Variants in TRIP10 observed in about 807,000 individuals in gnomAD.
TRIP10 encodes the protein thyroid hormone receptor interactor 10.
Under a neutral mutation model 80.9 loss-of-function variants are expected in TRIP10, and 54 were observed. The ratio of observed to expected loss-of-function variants is 0.67; its 90% confidence interval spans 0.54 to 0.84. The LOEUF (loss-of-function observed/expected upper bound fraction) is 0.84, where lower values mean the gene tolerates loss of function less well. Ranked by LOEUF, TRIP10 falls within the 40% of genes least tolerant of loss-of-function variation. The probability of loss-of-function intolerance (pLI) is 0.00; values close to 1 mark genes in which losing one functional copy is unlikely to be tolerated. For synonymous variants in TRIP10, 321 were observed against 307.2 expected (o/e 1.04, Z -0.47); for missense variants, 773 against 815.3 (o/e 0.95, Z 0.63).
chr19:6,751,286 C>T lies in TRIP10; in HGVS notation c.*75C>T. ...CACGGGGAGCCCCAGGACCTATGCA[C>T]TTTATTTCTGACCCCGTGGCTTCGG... On this transcript the variant is annotated 3_prime_UTR_variant, in exon 15 of 15. Transcript: ENST00000313244. 2 of 1,604,534 alleles carry T rather than the reference C, an allele frequency of 1.2e-6. No individual in the cohort carries two copies. Among genetic ancestry groups the T allele is most frequent in the Non-Finnish European group, 1.7e-6 (2 of 1,174,332 alleles).
In TRIP10 at chr19:6,746,344, G is replaced by T; in HGVS notation, c.1153-108G>T. 1.9e-6 allele frequency: 3 copies of T among 1,541,396 alleles called. No homozygotes were observed. The highest frequency in any genetic ancestry group is 2.4e-5 in the South Asian group (2 of 84,094). On this transcript the variant is annotated intron_variant, in intron 10 of 14. Transcript: ENST00000313244. This position sits in a 1 kb window ranked among gnomAD's most constrained non-coding sequence, Gnocchi z 6.2. ...CCTGCTTTGCTCTGTGCATGGCTTC[G>T]CTGTCAAGAACCATGGCTGGGGAAG...
rs544507299 is a variant in TRIP10, at chr19:6,746,102, G to A, written c.1058G>A (p.Arg353His). 61 of 1,239,540 alleles carry A rather than the reference G, an allele frequency of 4.9e-5. No individual in the cohort carries two copies. The highest frequency in any genetic ancestry group is 4.8e-4 in the South Asian group (33 of 68,610). 76.8% of individuals were successfully genotyped at this position (1,239,540 alleles called of 1,614,324 possible). A position where few individuals can be genotyped will look rare whatever the true frequency, so the allele number is the denominator to read the frequency against. ...TTGCCTAACGGACCCCCGTCCCCCCGCTCCGGCCGTGACCCCTTGGCCATA... is the reference window on the plus strand; with the variant it reads ...TTGCCTAACGGACCCCCGTCCCCCCACTCCGGCCGTGACCCCTTGGCCATA... ...SALPNGPPSP[R>H]SGRDPLAILS... Residue 353 changes from arginine (R) to histidine (H), a missense_variant, in exon 10 of 15, where the codon CGC (arginine) becomes CAC (histidine). Transcript: ENST00000313244. This position sits in a 1 kb window ranked among gnomAD's most constrained non-coding sequence, Gnocchi z 6.2.
In TRIP10 at chr19:6,745,537, A is replaced by C. The variant is rs1322175604; in HGVS notation, c.985-492A>C. 1.0e-6 allele frequency: 1 copy of C among 980,940 alleles called. No homozygotes were observed. Among genetic ancestry groups the C allele is most frequent in the African/African-American group, 1.8e-5 (1 of 55,962 alleles). The allele number at this position is 980,940 out of a possible 1,614,324, so 60.8% of individuals were successfully genotyped here. A position where few individuals can be genotyped will look rare whatever the true frequency, so the allele number is the denominator to read the frequency against. ...AACCCCTCTCATTTTCCTGCCTTCCACTCCCTCTCGGCTTGTGGTTTTATT... is the reference window on the plus strand; with the variant it reads ...AACCCCTCTCATTTTCCTGCCTTCCCCTCCCTCTCGGCTTGTGGTTTTATT... On this transcript the variant is annotated intron_variant, in intron 9 of 14. Coordinates refer to ENST00000313244, the MANE Select transcript of TRIP10 (RefSeq NM_001288962.2). This position sits in a 1 kb window ranked among gnomAD's most constrained non-coding sequence, Gnocchi z 7.2.
intron 12 of TRIP10, 92 bp downstream of exon 12, chr19:6,750,158 C>A (rs907122536): frequency 2.0e-5 from 31 of 1,563,198 alleles, no homozygotes; most frequent in Non-Finnish European, 2.5e-5. Flanking sequence ...GGGAGGTGTT[C>A]GGAGCGGGGG....
At chr19:6,739,884 C>T (rs1968856291) in intron 1 of TRIP10, 99 bp downstream of exon 1, 1 of 1,294,736 alleles carries the variant, frequency 7.7e-7, no homozygotes, top group Admixed American at 3.3e-5. Flanking sequence ...GCGCCTTTCC[C>T]TTCCACCGAC....
chr19:6,749,478 C>T (rs1371015577), intron 11 of TRIP10, among the ~76,000 whole-genome samples: 1 of 151,990 alleles, frequency 6.6e-6, no homozygotes, highest in Non-Finnish European at 1.5e-5. Flanking sequence ...AGATTCGAAC[C>T]CAGGCAGTCG....
chr19:6,749,865 A>T lies in TRIP10; in HGVS notation c.1263-69A>T, dbSNP rs1287759532. 5.1e-6 allele frequency: 8 copies of T among 1,570,292 alleles called. No homozygotes were observed. The South Asian group carries it at 8.3e-5, about 16-fold the overall frequency. On this transcript the variant is annotated intron_variant, in intron 11 of 14. Transcript: ENST00000313244. ...AATGAGACCCTGACTCAAACAAAAC[A>T]AAACAACAGCAACAAAAAAACTCAC...
chr19:6,741,879 G>A lies in TRIP10; in HGVS notation c.197+598G>A, dbSNP rs142494229. Among the ~76,000 whole-genome samples, 616 of 151,890 alleles carry A rather than the reference G, an allele frequency of 4.1e-3. 7 individuals are homozygous for A. The highest frequency in any genetic ancestry group is 0.014 in the African/African-American group (599 of 41,428). ...GTCCCCCAGGCTGGAGTGCAGTGGCGCCATCTCAGCTCACTGCAACTTCCG... is the reference window on the plus strand; with the variant it reads ...GTCCCCCAGGCTGGAGTGCAGTGGCACCATCTCAGCTCACTGCAACTTCCG... On this transcript the variant is annotated intron_variant, in intron 3 of 14. Coordinates refer to ENST00000313244, the MANE Select transcript of TRIP10 (RefSeq NM_001288962.2).
rs1555691880 is a variant in TRIP10 at position 6,739,734 on chromosome 19, T to TGGCTGCGGCGGC, written c.-24_-13dup. 7.4e-7 allele frequency: 1 copy of TGGCTGCGGCGGC among 1,356,116 alleles called. No individual in the cohort carries two copies. The highest frequency in any genetic ancestry group is 9.6e-7 in the Non-Finnish European group (1 of 1,046,044). 84.0% of individuals were successfully genotyped at this position (1,356,116 alleles called of 1,614,324 possible). On this transcript the variant is annotated 5_prime_UTR_variant, in exon 1 of 15. Coordinates refer to ENST00000313244, the MANE Select transcript of TRIP10 (RefSeq NM_001288962.2). ...GGGCGGCGGGGACCGGGTGCGGTGG[T>TGGCTGCGGCGGC]GGCTGCGGCGGCGGCGGCGGGAGCA...
intron 11 of TRIP10, among the ~76,000 whole-genome samples, 162 bp from the exon 12 acceptor site, chr19:6,749,772 G>C (rs548734888): frequency 5.3e-5 from 8 of 152,208 alleles, no homozygotes; most frequent in African/African-American, 1.9e-4. Flanking sequence ...TATCACTTGA[G>C]CCCGGGAGGT....
At position 6,746,259 on chromosome 19, in the gene TRIP10, G is replaced by A. The variant is rs1007091016; in HGVS notation, c.1152+63G>A. ...TAGCCTGCCCAGCGGCGGGTGGCGG[G>A]ACCCTGGGCTCGCTTCCTGCCGCTG... On this transcript the variant is annotated intron_variant, in intron 10 of 14. Coordinates refer to ENST00000313244, the MANE Select transcript of TRIP10 (RefSeq NM_001288962.2). This position sits in a 1 kb window ranked among gnomAD's most constrained non-coding sequence, Gnocchi z 6.2. The A allele has an allele frequency of 4.0e-6, 6 of 1,482,344 alleles. No individual in the cohort carries two copies. The highest frequency in any genetic ancestry group is 3.6e-6 in the Non-Finnish European group (4 of 1,110,700). 91.8% of individuals were successfully genotyped at this position (1,482,344 alleles called of 1,614,324 possible).
In TRIP10 at chr19:6,741,229, C is replaced by G; in HGVS notation, c.145C>G (p.Leu49Val). The G allele has an allele frequency of 6.2e-7, 1 of 1,612,258 alleles. No homozygotes were observed. Among genetic ancestry groups the G allele is most frequent in the Non-Finnish European group, 8.5e-7 (1 of 1,179,142 alleles). ...EQAYAKQLRS[L>V]VKKYLPKRPA... ...CCTACCTCTGTCTCCCCTTAGGAGC[C>G]TGGTGAAAAAATATCTGCCCAAGAG... The change falls in exon 3 of 15, where the codon CTG (leucine) becomes GTG (valine). Residue 49 changes from leucine to valine, a missense_variant. Leu to Val is a conservative substitution (Grantham distance 32). Coordinates refer to ENST00000313244, the MANE Select transcript of TRIP10 (RefSeq NM_001288962.2).
rs1599572526 is a variant in TRIP10, at chr19:6,751,373, A to G, written c.*162A>G. Reference sequence around the variant, plus strand: ...AACCCAGTCCTACCTGTCACACCGGACGGACCCGCTGTGCCTTCTACCATC... The same window carrying G: ...AACCCAGTCCTACCTGTCACACCGGGCGGACCCGCTGTGCCTTCTACCATC... On this transcript the variant is annotated 3_prime_UTR_variant, in exon 15 of 15. Coordinates refer to ENST00000313244, the MANE Select transcript of TRIP10 (RefSeq NM_001288962.2). The G allele has an allele frequency of 1.4e-6, 2 of 1,408,464 alleles. No individual in the cohort carries two copies. Among genetic ancestry groups the G allele is most frequent in the East Asian group, 5.5e-5 (2 of 36,438 alleles). 87.2% of individuals were successfully genotyped at this position (1,408,464 alleles called of 1,614,324 possible).
intron 6 of TRIP10, 26 bp from the exon 7 acceptor site, chr19:6,743,682 G>A: frequency 6.2e-7 from 1 of 1,613,232 alleles, no homozygotes. Context: ...GAACCTGGCA[G>A]TACCTTCCAC....
At chr19:6,742,866 T>C in intron 3 of TRIP10, 101 bp from the exon 4 acceptor site, 2 of 1,473,198 alleles carry the variant, frequency 1.4e-6, no homozygotes, top group Non-Finnish European at 1.8e-6. Context: ...ATTACATTCT[T>C]GGGGCTTAAC....
chr19:6,750,202 TG>T, intron 12 of TRIP10, 89 bp from the exon 13 acceptor site: 1 of 1,585,244 alleles, frequency 6.3e-7, no homozygotes, highest in South Asian at 1.2e-5. Flanking sequence ...GCCTTGGCTG[TG>T]CGTGGGTGAT....
chr19:6,750,770 C>A, intron 14 of TRIP10, 137 bp downstream of exon 14: 2 of 1,336,448 alleles, frequency 1.5e-6, no homozygotes, highest in South Asian at 1.5e-5. Flanking sequence ...CTGAGGCAGG[C>A]AGATCACTTG....
intron 11 of TRIP10, among the ~76,000 whole-genome samples, chr19:6,747,599 C>T (rs914187011): frequency 2.0e-5 from 3 of 152,052 alleles, no homozygotes; most frequent in Non-Finnish European, 2.9e-5. Context: ...TCGAGACCAG[C>T]CTGACCAACA....
Position 6,746,410 on chromosome 19 carries a change from A to G in TRIP10, c.1153-42A>G, listed in dbSNP as rs1223938392. ...AGACGGGTGCAGAGTCTGGCAGGCT[A>G]GACTCCTTGATCCCAAATTCAGCCC... On this transcript the variant is annotated intron_variant, in intron 10 of 14. Coordinates refer to ENST00000313244, the MANE Select transcript of TRIP10 (RefSeq NM_001288962.2). The surrounding 1 kb of genome is among the most constrained non-coding windows in gnomAD (Gnocchi z 6.2). 1.9e-6 allele frequency: 3 copies of G among 1,607,432 alleles called. No individual in the cohort carries two copies. Among genetic ancestry groups the G allele is most frequent in the Non-Finnish European group, 2.6e-6 (3 of 1,174,346 alleles).
Sources: allele counts gnomAD v4.1 joint callset (sites outside exome capture counted in the v4.1 genomes callset), GRCh38; gene constraint gnomAD v4.1.1; non-coding constraint Gnocchi (gnomAD v3.1); transcripts MANE v1.5; gene names NCBI Gene and HGNC (gene_info 2026-07-23, HGNC 2026-07-21).